The following MAP1A variants were observed in gnomAD, a reference collection of about 807,000 sequenced individuals.
The protein encoded by MAP1A is microtubule-associated protein 1A.
A neutral mutation model predicts 185.9 loss-of-function variants in MAP1A; 42 were observed. That is an observed-to-expected ratio of 0.23 (90% CI 0.18 to 0.29). MAP1A has a LOEUF of 0.29. Among genes scored for constraint, MAP1A ranks in the 10% least tolerant of loss-of-function variants. The pLI, the probability that MAP1A is intolerant of heterozygous loss-of-function variation, is 1.00. For missense variants in MAP1A, 2,995 were observed against 3,450.4 expected (o/e 0.87, Z 3.31); for synonymous variants, 1,229 against 1,335.9 (o/e 0.92, Z 1.74).
Position 43,530,766 on chromosome 15 carries a change from T to A in MAP1A, c.*542T>A, listed in dbSNP as rs2079368670. ...CTGAGTTCTAGCAGGGTCCTGGGGGTATCCCACTGCTATACTGTTCTACTG... is the reference window on the plus strand; with the variant it reads ...CTGAGTTCTAGCAGGGTCCTGGGGGAATCCCACTGCTATACTGTTCTACTG... On this transcript the variant is annotated 3_prime_UTR_variant, in exon 6 of 6. Transcript: ENST00000300231. 1 of 164,782 alleles carries A rather than the reference T, an allele frequency of 6.1e-6. No individual in the cohort carries two copies. Among genetic ancestry groups the A allele is most frequent in the Admixed American group, 5.5e-5 (1 of 18,074 alleles). 10.2% of individuals were successfully genotyped at this position (164,782 alleles called of 1,614,324 possible). A position where few individuals can be genotyped will look rare whatever the true frequency, so the allele number is the denominator to read the frequency against.
At chr15:43,517,531 A>T (rs2079301952), upstream of MAP1A, 2 of 197,902 alleles carry the variant, frequency 1.0e-5, no homozygotes, top group Non-Finnish European at 1.8e-5. Flanking sequence ...GTGCCTCGTC[A>T]CGGACCAGCC....
In MAP1A at chr15:43,529,854, G is replaced by T. The variant is rs762511140; in HGVS notation, c.8240G>T (p.Trp2747Leu). The change falls in exon 5 of 6, where the codon TGG (tryptophan) becomes TTG (leucine). Residue 2747 changes from tryptophan (W) to leucine (L), a missense_variant. Coordinates refer to ENST00000300231, the MANE Select transcript of MAP1A (RefSeq NM_002373.6). The surrounding 1 kb of genome is among the most constrained non-coding windows in gnomAD (Gnocchi z 4.3). Reference sequence around the variant, plus strand: ...GCCCTGCTGGAGGGCAAGGCCCAGTGGGGGGAGAATCTTCAGGTGAGTAGC... The same window carrying T: ...GCCCTGCTGGAGGGCAAGGCCCAGTTGGGGGAGAATCTTCAGGTGAGTAGC... Reference protein sequence around the residue: ...LDALLEGKAQWGENLQVTLIP... With the variant: ...LDALLEGKAQLGENLQVTLIP... The T allele has an allele frequency of 6.8e-6, 11 of 1,613,374 alleles. No homozygotes were observed. Among genetic ancestry groups the T allele is most frequent in the South Asian group, 2.2e-5 (2 of 91,058 alleles).
upstream of MAP1A, among the ~76,000 whole-genome samples, chr15:43,513,455 T>C (rs970807779): frequency 6.6e-6 from 1 of 152,248 alleles, no homozygotes; most frequent in Admixed American, 6.5e-5. Flanking sequence ...AACTGAATGA[T>C]TGAATTCATG....
chr15:43,516,490 G>C (rs1331532381), upstream of MAP1A, among the ~76,000 whole-genome samples: 2 of 152,156 alleles, frequency 1.3e-5, no homozygotes, highest in South Asian at 4.1e-4. Flanking sequence ...CTTAGGAGCT[G>C]GCCAAACTGG....
rs781740255 is a variant in MAP1A, at chr15:43,523,335, A to G, written c.1862A>G (p.Asp621Gly). The stretch of plus-strand genomic sequence containing the variant: ...GGGGCTGAAACAGAGGAAGAGAAAG[A>G]TACCTGGGAGGAAAAGAAGCAGAGG... The part of the protein sequence containing the change: ...DSGAETEEEK[D>G]TWEEKKQREA... The change falls in exon 4 of 6, where the codon GAT (aspartate) becomes GGT (glycine). Residue 621 changes from aspartate (D) to glycine (G), a missense_variant. This residue lies in a region of MAP1A where 2,728 missense variants were observed against 2,986.0 expected (regional missense o/e 0.91). Coordinates refer to ENST00000300231, the MANE Select transcript of MAP1A (RefSeq NM_002373.6). The G allele has an allele frequency of 3.1e-6, 5 of 1,610,686 alleles. No individual in the cohort carries two copies. Among genetic ancestry groups the G allele is most frequent in the Non-Finnish European group, 3.4e-6 (4 of 1,178,198 alleles).
At chr15:43,512,072 A>G in intron 1 of MAP1A, 1 of 669,990 alleles carries the variant, frequency 1.5e-6, no homozygotes, top group Non-Finnish European at 2.8e-6. Flanking sequence ...TGATCATGGC[A>G]ACTATCCATA....
Position 43,527,659 on chromosome 15 carries a change from TC to T in MAP1A, c.6193del (p.Arg2065ValfsTer5). On this transcript the variant is annotated frameshift_variant, in exon 4 of 6. Coordinates refer to ENST00000300231, the MANE Select transcript of MAP1A (RefSeq NM_002373.6). LOFTEE classifies it high-confidence loss of function. ...MEPSLTPPAV[P>X]PRAPILSKGP... is the part of the protein sequence containing the mutation. ...AGCCCAGCCTCACCCCACCTGCAGT[TC>T]CCCCCCGTGCTCCTATCCTGAGCAA... 1 of 1,606,058 alleles carries T rather than the reference TC, an allele frequency of 6.2e-7. No homozygotes were observed. Among genetic ancestry groups the T allele is most frequent in the South Asian group, 1.1e-5 (1 of 90,578 alleles).
rs766988607 is a variant in MAP1A, at chr15:43,523,527, T to C, written c.2054T>C (p.Met685Thr). Reference protein sequence around the residue: ...TKAEGFYQKHMQEPLKVTPRS... With the variant: ...TKAEGFYQKHTQEPLKVTPRS... ...GCTGAGGGTTTTTACCAAAAACATA[T>C]GCAGGAACCCTTGAAGGTAACTCCA... is the stretch of plus-strand genomic sequence containing the variant. Residue 685 changes from methionine (M) to threonine (T), a missense_variant, in exon 4 of 6, where the codon ATG (methionine) becomes ACG (threonine). By Grantham distance (81) the Met-to-Thr change is moderately conservative. Transcript: ENST00000300231. 21 of 1,613,966 alleles carry C rather than the reference T, an allele frequency of 1.3e-5. No individual in the cohort carries two copies. The highest frequency in any genetic ancestry group is 2.2e-5 in the East Asian group (1 of 44,892).
upstream of MAP1A, among the ~76,000 whole-genome samples, chr15:43,513,922 T>C (rs1042433962): frequency 1.2e-4 from 18 of 152,214 alleles, no homozygotes; most frequent in Non-Finnish European, 2.9e-5. Flanking sequence ...TGTTAATAAT[T>C]CACACTGAAT....
chr15:43,525,079 G>A lies in MAP1A; in HGVS notation c.3606G>A (p.Glu1202=). ...EDTQSLSLSE[E]SPSKETSLDV... Reference sequence around the variant, plus strand: ...CCCAGTCACTTTCTCTGTCAGAAGAGAGTCCCAGCAAGGAGACCTCCCTGG... The same window carrying A: ...CCCAGTCACTTTCTCTGTCAGAAGAAAGTCCCAGCAAGGAGACCTCCCTGG... The change falls in exon 4 of 6, where the codon GAG becomes GAA. Residue 1202 remains glutamate, a synonymous_variant. Coordinates refer to ENST00000300231, the MANE Select transcript of MAP1A (RefSeq NM_002373.6). 1 of 1,614,200 alleles carries A rather than the reference G, an allele frequency of 6.2e-7. No homozygotes were observed. The highest frequency in any genetic ancestry group is 1.3e-5 in the African/African-American group (1 of 75,040).
In MAP1A at chr15:43,521,482, CGTG is replaced by C; in HGVS notation, c.11_13del (p.Val4del). 1 of 1,614,162 alleles carries C rather than the reference CGTG, an allele frequency of 6.2e-7. No homozygotes were observed. Among genetic ancestry groups the C allele is most frequent in the East Asian group, 2.2e-5 (1 of 44,874 alleles). ...AGCCCACTCTGCCCACCATGGACGG[CGTG>C]GCTGAGTTCTCCGAGTATGTCTCTG... On this transcript the variant is annotated inframe_deletion, in exon 4 of 6. Coordinates refer to ENST00000300231, the MANE Select transcript of MAP1A (RefSeq NM_002373.6). This position sits in a 1 kb window ranked among gnomAD's most constrained non-coding sequence, Gnocchi z 4.6.
At chr15:43,518,708 A>ACCCCCCCCCCCCCCC (rs34711237) in intron 1 of MAP1A, among the ~76,000 whole-genome samples, 1 of 83,632 alleles carries the variant, frequency 1.2e-5, no homozygotes, top group African/African-American at 4.6e-5. Flanking sequence ...ACCGCAGCCC[A>ACCCCCCCCCCCCCCC]CCCCCCCCCG....
chr15:43,518,056 A>G (rs1280500373), intron 1 of MAP1A, among the ~76,000 whole-genome samples: 1 of 152,022 alleles, frequency 6.6e-6, no homozygotes, highest in Admixed American at 6.6e-5. Context: ...AGAATCTGAG[A>G]GAAAGGGGGA....
Position 43,522,264 on chromosome 15 carries a change from G to T in MAP1A, c.791G>T (p.Arg264Leu). 6.2e-7 allele frequency: 1 copy of T among 1,614,204 alleles called. No homozygotes were observed. The highest frequency in any genetic ancestry group is 8.5e-7 in the Non-Finnish European group (1 of 1,180,038). ...GCCAATCCCACTGAGAAGATTGTGC[G>T]TGTGCTTTTTCCAGGAAATGCTCCC... ...LPANPTEKIV[R>L]VLFPGNAPQN... Residue 264 changes from arginine (R) to leucine (L), a missense_variant, in exon 4 of 6, where the codon CGT becomes CTT. This residue lies in a region of MAP1A where 264 missense variants were observed against 435.3 expected (regional missense o/e 0.61). Transcript: ENST00000300231. The surrounding 1 kb of genome is among the most constrained non-coding windows in gnomAD (Gnocchi z 5.9).
Position 43,527,027 on chromosome 15 carries a change from CT to C in MAP1A, c.5555del (p.Leu1852ProfsTer123). 1 of 1,603,384 alleles carries C rather than the reference CT, an allele frequency of 6.2e-7. No homozygotes were observed. Among genetic ancestry groups the C allele is most frequent in the Non-Finnish European group, 8.5e-7 (1 of 1,174,754 alleles). ...ACCCTGGGTGCCCAAGGACAGACCC[CT>C]CCCCCCTGCACCCCTCTCCCCAGCT... ...IPPWVPKDRP[L>X]PPAPLSPAPG... On this transcript the variant is annotated frameshift_variant, in exon 4 of 6. Coordinates refer to ENST00000300231, the MANE Select transcript of MAP1A (RefSeq NM_002373.6). LOFTEE classifies it high-confidence loss of function.
In MAP1A at chr15:43,522,395, C is replaced by G; in HGVS notation, c.922C>G (p.Leu308Val). Reference protein sequence around the residue: ...DLASGAVPTNLKPSKIKQRAD... With the variant: ...DLASGAVPTNVKPSKIKQRAD... Reference sequence around the variant, plus strand: ...GGCTTCTGGGGCTGTGCCTACCAACCTCAAGCCCAGCAAAATCAAACAGCG... The same window carrying G: ...GGCTTCTGGGGCTGTGCCTACCAACGTCAAGCCCAGCAAAATCAAACAGCG... The change falls in exon 4 of 6, where the codon CTC becomes GTC. Residue 308 changes from leucine (L) to valine (V), a missense_variant. Leu to Val is a conservative substitution (Grantham distance 32, BLOSUM62 1). Transcript: ENST00000300231. The surrounding 1 kb of genome is among the most constrained non-coding windows in gnomAD (Gnocchi z 5.9). 1 of 1,614,152 alleles carries G rather than the reference C, an allele frequency of 6.2e-7. No individual in the cohort carries two copies. The highest frequency in any genetic ancestry group is 8.5e-7 in the Non-Finnish European group (1 of 1,180,024).
At position 43,529,296 on chromosome 15, in the gene MAP1A, G is replaced by C; in HGVS notation, c.7823G>C (p.Arg2608Thr). 7 of 1,614,004 alleles carry C rather than the reference G, an allele frequency of 4.3e-6. No individual in the cohort carries two copies. The highest frequency in any genetic ancestry group is 5.9e-6 in the Non-Finnish European group (7 of 1,180,006). The part of the protein sequence containing the change: ...KEKVQGRVGR[R>T]APGKAKPASP... ...AAGGTTCAGGGGCGAGTAGGGCGCA[G>C]GGCCCCAGGCAAGGCCAAGCCAGCG... Residue 2608 changes from arginine to threonine, a missense_variant, in exon 4 of 6, where the codon AGG becomes ACG. Arg to Thr is a moderately conservative substitution (Grantham distance 71). This residue lies in a region of MAP1A where 2,728 missense variants were observed against 2,986.0 expected (regional missense o/e 0.91). Coordinates refer to ENST00000300231, the MANE Select transcript of MAP1A (RefSeq NM_002373.6). The surrounding 1 kb of genome is among the most constrained non-coding windows in gnomAD (Gnocchi z 4.3).
In MAP1A at chr15:43,523,693, C is replaced by T; in HGVS notation, c.2220C>T (p.Ile740=). ...EHVSYIQDET[I]PGYSETEQTI... Reference sequence around the variant, plus strand: ...TCTCTTACATCCAGGATGAGACAATCCCTGGCTACTCAGAGACTGAGCAGA... The same window carrying T: ...TCTCTTACATCCAGGATGAGACAATTCCTGGCTACTCAGAGACTGAGCAGA... Residue 740 remains isoleucine (I), a synonymous_variant, in exon 4 of 6, where the codon ATC becomes ATT. Transcript: ENST00000300231. 1.2e-6 allele frequency: 2 copies of T among 1,613,862 alleles called. No homozygotes were observed. Among genetic ancestry groups the T allele is most frequent in the Non-Finnish European group, 1.7e-6 (2 of 1,179,866 alleles).
rs750809848 is a variant in MAP1A, at chr15:43,523,650, C to G, written c.2177C>G (p.Ala726Gly). Residue 726 changes from alanine (A) to glycine (G), a missense_variant, in exon 4 of 6, where the codon GCA becomes GGA. Ala to Gly is a moderately conservative substitution (Grantham distance 60). Around this residue, in one of 3 missense-constraint regions of MAP1A, gnomAD observed 2,728 missense variants for 2,986.0 expected, o/e 0.91. Transcript: ENST00000300231. The stretch of plus-strand genomic sequence containing the variant: ...TTCCTAAGCAGCCTGACCACACCTG[C>G]AGGAGCCACTGAGCATGTCTCTTAC... ...SLFLSSLTTP[A>G]GATEHVSYIQ... 15 of 1,614,058 alleles carry G rather than the reference C, an allele frequency of 9.3e-6. No individual in the cohort carries two copies. Among genetic ancestry groups the G allele is most frequent in the Non-Finnish European group, 1.3e-5 (15 of 1,179,986 alleles).
Sources: gnomAD v4.1 joint callset for allele counts (sites outside exome capture counted in the v4.1 genomes callset) on GRCh38, gnomAD v4.1.1 for gene constraint, gnomAD v4.1.1 regional missense constraint, Gnocchi (gnomAD v3.1) non-coding constraint, MANE v1.5 for transcripts, NCBI Gene and HGNC (gene_info 2026-07-23, HGNC 2026-07-21) for gene names.